SMYD3: variants seen among roughly 807,000 people sequenced by gnomAD.
The protein encoded by SMYD3 is SET and MYND domain containing 3, also known as histone-lysine N-methyltransferase SMYD3.
In SMYD3, 36 loss-of-function variants were observed where a neutral mutation model predicts 57.7. That is an observed-to-expected ratio of 0.62 (90% CI 0.48 to 0.82). The LOEUF (loss-of-function observed/expected upper bound fraction) is 0.82, where lower values mean the gene tolerates loss of function less well. Ranked by LOEUF, SMYD3 falls within the 40% of genes least tolerant of loss-of-function variation. SMYD3 has a pLI of 0.00. For missense variants in SMYD3, 515 were observed against 538.8 expected (o/e 0.96, Z 0.44); for synonymous variants, 211 against 195.0 (o/e 1.08, Z -0.68).
At position 246,271,995 on chromosome 1, in the gene SMYD3, T is replaced by C. The variant is rs368804588; in HGVS notation, c.531+55206A>G. Among the ~76,000 whole-genome samples, 66 of 152,354 alleles carry C rather than the reference T, an allele frequency of 4.3e-4. 1 individual carries two copies. In the South Asian group the frequency reaches 9.7e-3, roughly 22 times the overall value. On this transcript the variant is annotated intron_variant, in intron 5 of 11. Coordinates refer to ENST00000490107, the MANE Select transcript of SMYD3 (RefSeq NM_001167740.2). ...TTCAGCAATGTTTTTCTGCTTTTCATTGTTAAGTTTTTAACCTCCTTGTTA... is the reference window on the plus strand; with the variant it reads ...TTCAGCAATGTTTTTCTGCTTTTCACTGTTAAGTTTTTAACCTCCTTGTTA...
intron 11 of SMYD3, among the ~76,000 whole-genome samples, chr1:245,756,241 A>G (rs2791371): frequency 0.52 from 78,155 of 150,746 alleles, 23,642 homozygotes; most frequent in African/African-American, 0.83. Flanking sequence ...CATTTTACCC[A>G]TTGAACTCAA....
chr1:246,459,398 A>C (rs1163329875), intron 1 of SMYD3, among the ~76,000 whole-genome samples: 2 of 147,558 alleles, frequency 1.4e-5, no homozygotes, highest in Non-Finnish European at 3.0e-5. Flanking sequence ...TGTTCTCCTG[A>C]CAGAGTTCTC....
intron 5 of SMYD3, among the ~76,000 whole-genome samples, chr1:246,018,108 C>T (rs2059408575): frequency 6.6e-6 from 1 of 152,084 alleles, no homozygotes; most frequent in South Asian, 2.1e-4. Context: ...GTTACAGTTC[C>T]CAGGTCCTCT....
At chr1:246,058,944 C>G (rs946522899) in intron 5 of SMYD3, among the ~76,000 whole-genome samples, 26 of 151,590 alleles carry the variant, frequency 1.7e-4, no homozygotes, top group Admixed American at 5.2e-4. Flanking sequence ...GCATGATCTC[C>G]GCTCACTGCC....
In SMYD3 at chr1:245,758,340, T is replaced by C. The variant is rs891738447; in HGVS notation, c.1185+5701A>G. 4.6e-5 allele frequency among the ~76,000 whole-genome samples: 7 copies of C among 152,166 alleles called. 1 individual carries two copies. Among genetic ancestry groups the C allele is most frequent in the South Asian group, 2.1e-4 (1 of 4,832 alleles). ...CATATGAGATCATGTCATCTGTATA[T>C]AGAGATAATTTTATTTCTTCCTTTC... On this transcript the variant is annotated intron_variant, in intron 11 of 11. Transcript: ENST00000490107.
At chr1:246,055,112 C>G (rs2060129100) in intron 5 of SMYD3, among the ~76,000 whole-genome samples, 1 of 151,510 alleles carries the variant, frequency 6.6e-6, no homozygotes, top group Admixed American at 6.6e-5. Flanking sequence ...GGTGGCAGAG[C>G]TTGCAGTGAG....
intron 5 of SMYD3, among the ~76,000 whole-genome samples, chr1:246,055,552 C>G (rs1219757074): frequency 1.3e-5 from 2 of 152,220 alleles, no homozygotes; most frequent in African/African-American, 2.4e-5. Context: ...TATTGGCACA[C>G]CTTTGCTCGC....
At chr1:246,425,956 T>C (rs1203415047) in intron 1 of SMYD3, 2 of 152,260 alleles carry the variant, frequency 1.3e-5, no homozygotes, top group Admixed American at 6.5e-5. Context: ...TTTATCTTTT[T>C]TTCTTGCTAT....
intron 1 of SMYD3, among the ~76,000 whole-genome samples, chr1:246,502,369 C>G (rs1049932868): frequency 1.3e-5 from 2 of 151,982 alleles, no homozygotes; most frequent in Non-Finnish European, 2.9e-5. Context: ...TGGGCTCAAG[C>G]GATCCACCTG....
chr1:246,378,498 T>C (rs1193215000), intron 1 of SMYD3, among the ~76,000 whole-genome samples: 1 of 151,116 alleles, frequency 6.6e-6, no homozygotes, highest in Non-Finnish European at 1.5e-5. Flanking sequence ...CTTTCTCCCA[T>C]GCAATGCTTC....
chr1:246,303,525 AGTT>A (rs1308897661), intron 5 of SMYD3, among the ~76,000 whole-genome samples: 3 of 152,120 alleles, frequency 2.0e-5, no homozygotes, highest in African/African-American at 4.8e-5. Context: ...TATATAAATT[AGTT>A]GTTATACTCT....
intron 5 of SMYD3, among the ~76,000 whole-genome samples, chr1:246,288,758 T>A (rs1197041006): frequency 6.6e-6 from 1 of 152,180 alleles, no homozygotes; most frequent in Non-Finnish European, 1.5e-5. Flanking sequence ...TCATGTACAT[T>A]CCTTACTTAA....
intron 1 of SMYD3, among the ~76,000 whole-genome samples, chr1:246,436,918 T>TG: frequency 6.8e-6 from 1 of 147,364 alleles, no homozygotes; most frequent in Non-Finnish European, 1.5e-5. Context: ...TTTTTTTTTT[T>TG]GAGACAGAGT....
At chr1:245,982,613 A>G (rs957096795) in intron 5 of SMYD3, among the ~76,000 whole-genome samples, 8 of 152,228 alleles carry the variant, frequency 5.3e-5, no homozygotes, top group Non-Finnish European at 1.0e-4. Flanking sequence ...GTTTTTTACT[A>G]ATCCCCTTCT....
At chr1:246,268,542 CA>C (rs1461599941) in intron 5 of SMYD3, among the ~76,000 whole-genome samples, 1 of 151,406 alleles carries the variant, frequency 6.6e-6, no homozygotes, top group Non-Finnish European at 1.5e-5. Context: ...CTAAAATACA[CA>C]AAAAAAAGAC....
intron 10 of SMYD3, among the ~76,000 whole-genome samples, chr1:245,818,196 C>A (rs1333743652): frequency 6.6e-6 from 1 of 152,236 alleles, no homozygotes; most frequent in South Asian, 2.1e-4. Context: ...AACAGCGGAT[C>A]TCTCAGCAGA....
At chr1:246,058,882 CTT>C (rs545692737) in intron 5 of SMYD3, among the ~76,000 whole-genome samples, 12 of 142,960 alleles carry the variant, frequency 8.4e-5, no homozygotes, top group African/African-American at 7.7e-5. Context: ...ATCCACATTT[CTT>C]TTTTTTTTTT....
intron 5 of SMYD3, among the ~76,000 whole-genome samples, chr1:246,215,069 C>T (rs10802352): frequency 0.088 from 13,423 of 152,118 alleles, 1,054 homozygotes; most frequent in East Asian, 0.24. Context: ...CATCGGTCAT[C>T]ACCACAATGG....
Position 246,335,481 on chromosome 1 carries a change from A to C in SMYD3, c.229-7T>G, listed in dbSNP as rs369020785. On this transcript the variant is annotated splice_region_variant and splice_polypyrimidine_tract_variant and intron_variant, in intron 2 of 11. Coordinates refer to ENST00000490107, the MANE Select transcript of SMYD3 (RefSeq NM_001167740.2). ...GGTCTGGCCAAGCTTTTTTCTATTA[A>C]AACAAGAGTGGGGAGAACATAGGTG... 6.2e-6 allele frequency: 10 copies of C among 1,613,238 alleles called. No individual in the cohort carries two copies. The African/African-American group carries it at 1.2e-4, about 19-fold the overall frequency.
Sources: gnomAD v4.1 joint callset for allele counts (sites outside exome capture counted in the v4.1 genomes callset) on GRCh38, gnomAD v4.1.1 for gene constraint, MANE v1.5 for transcripts, NCBI Gene and HGNC (gene_info 2026-07-23, HGNC 2026-07-21) for gene names.